The following DCDC1 variants were observed in gnomAD, a reference collection of about 807,000 sequenced individuals.
The protein encoded by DCDC1 is doublecortin domain containing 1.
A neutral mutation model predicts 178.3 loss-of-function variants in DCDC1; 200 were observed. The observed-to-expected ratio is 1.12, with a 90% confidence interval of 1.00 to 1.26. The LOEUF (loss-of-function observed/expected upper bound fraction) is 1.26, where lower values mean the gene tolerates loss of function less well. Ranked by LOEUF, DCDC1 falls within the 50% of genes most tolerant of loss-of-function variation. The pLI is 0.00. For synonymous variants in DCDC1, 690 were observed against 604.8 expected (o/e 1.14, Z -2.07); for missense variants, 1,983 against 1,749.2 (o/e 1.13, Z -2.38).
chr11:30,890,422 T>C (rs1268617539), intron 36 of DCDC1, among the ~76,000 whole-genome samples: 2 of 152,236 alleles, frequency 1.3e-5, no homozygotes, highest in African/African-American at 4.8e-5. Context: ...ATCTTCTCCA[T>C]TTCTCAAGTT....
At chr11:31,354,361 G>A (rs1161003106) in intron 1 of DCDC1, among the ~76,000 whole-genome samples, 2 of 152,184 alleles carry the variant, frequency 1.3e-5, no homozygotes, top group Non-Finnish European at 2.9e-5. Context: ...ATGGATGTGA[G>A]TACTGCAAAA....
intron 20 of DCDC1, among the ~76,000 whole-genome samples, chr11:31,053,024 G>A (rs753758006): frequency 6.6e-6 from 1 of 151,734 alleles, no homozygotes; most frequent in African/African-American, 2.4e-5. Context: ...AAAAAATTAC[G>A]AAAGATAAAT....
chr11:31,311,089 C>T (rs1276912957), intron 3 of DCDC1, among the ~76,000 whole-genome samples: 1 of 152,160 alleles, frequency 6.6e-6, no homozygotes, highest in Non-Finnish European at 1.5e-5. Flanking sequence ...CTCTATGTGT[C>T]TCCTCATTTC....
At chr11:31,260,410 A>G (rs761849226) in intron 8 of DCDC1, among the ~76,000 whole-genome samples, 19 of 152,212 alleles carry the variant, frequency 1.2e-4, no homozygotes, top group Non-Finnish European at 2.2e-4. Context: ...ATGATGAAAT[A>G]TCCTGTACTT....
At position 31,137,349 on chromosome 11, in the gene DCDC1, T is replaced by C. The variant is rs563941382; in HGVS notation, c.1314+343A>G. Among the ~76,000 whole-genome samples, 21 of 139,918 alleles carry C rather than the reference T, an allele frequency of 1.5e-4. No individual in the cohort carries two copies. The East Asian group carries it at 4.4e-3, about 29-fold the overall frequency. 91.8% of individuals were successfully genotyped at this position (139,918 alleles called of 152,430 possible). A position where few individuals can be genotyped will look rare whatever the true frequency, so the allele number is the denominator to read the frequency against. ...ATCTTCATTTTAAAATTAGTGTTCA[T>C]TGCAGGTTTTTTTTTTTTTTTTTAC... On this transcript the variant is annotated intron_variant, in intron 10 of 38. Transcript: ENST00000684477.
At position 31,354,704 on chromosome 11, in the gene DCDC1, G is replaced by A. The variant is rs924491452; in HGVS notation, c.-125+14993C>T. On this transcript the variant is annotated intron_variant, in intron 1 of 38. Transcript: ENST00000684477. ...TCCCTTCTCCAATTCAGTAGGATAG[G>A]GAAAAATGATTTAGGAAGAAAGGAA... 1.4e-4 allele frequency among the ~76,000 whole-genome samples: 21 copies of A among 152,182 alleles called. No individual in the cohort carries two copies. In the East Asian group the frequency reaches 3.9e-3, roughly 28 times the overall value.
At chr11:31,184,378 G>A (rs1195489578) in intron 9 of DCDC1, among the ~76,000 whole-genome samples, 1 of 152,094 alleles carries the variant, frequency 6.6e-6, no homozygotes, top group African/African-American at 2.4e-5. Flanking sequence ...ATAGGCATGG[G>A]CAAAGACTTC....
chr11:30,976,689 C>T (rs1950122279), intron 20 of DCDC1, among the ~76,000 whole-genome samples: 1 of 152,024 alleles, frequency 6.6e-6, no homozygotes, highest in African/African-American at 2.4e-5. Context: ...ATAACAGATG[C>T]TGGCAAGGAT....
intron 9 of DCDC1, among the ~76,000 whole-genome samples, chr11:31,200,622 AC>A (rs1336400655): frequency 6.6e-6 from 1 of 152,050 alleles, no homozygotes; most frequent in African/African-American, 2.4e-5. Context: ...GCAAATATCT[AC>A]TTTTTACATT....
chr11:30,902,318 T>A (rs1370864606), intron 32 of DCDC1, among the ~76,000 whole-genome samples: 1 of 152,122 alleles, frequency 6.6e-6, no homozygotes, highest in Non-Finnish European at 1.5e-5. Flanking sequence ...ATTCTTCCCC[T>A]CTGGAGAACG....
intron 9 of DCDC1, among the ~76,000 whole-genome samples, chr11:31,225,583 C>A (rs1357494582): frequency 6.7e-6 from 1 of 149,782 alleles, no homozygotes; most frequent in Non-Finnish European, 1.5e-5. Flanking sequence ...TATACATATG[C>A]ATACATGCTA....
At chr11:31,010,247 T>C (rs1210140194) in intron 20 of DCDC1, among the ~76,000 whole-genome samples, 1 of 152,192 alleles carries the variant, frequency 6.6e-6, no homozygotes, top group African/African-American at 2.4e-5. Flanking sequence ...TGCTGAGTGT[T>C]TCACAAGGCA....
At chr11:31,060,903 A>G (rs563198308) in intron 20 of DCDC1, among the ~76,000 whole-genome samples, 1 of 152,276 alleles carries the variant, frequency 6.6e-6, no homozygotes, top group South Asian at 2.1e-4. Context: ...TTAATTGAAA[A>G]AAAGTCAAAT....
At chr11:30,985,851 A>G (rs868633220) in intron 20 of DCDC1, among the ~76,000 whole-genome samples, 1 of 152,200 alleles carries the variant, frequency 6.6e-6, no homozygotes. Flanking sequence ...CCAAAACTAA[A>G]TTATGACAAA....
chr11:30,885,626 T>C (rs1213967893), intron 36 of DCDC1, among the ~76,000 whole-genome samples: 1 of 152,110 alleles, frequency 6.6e-6, no homozygotes, highest in African/African-American at 2.4e-5. Flanking sequence ...GAAATATGGG[T>C]ATAACATTTT....
intron 1 of DCDC1, among the ~76,000 whole-genome samples, chr11:31,355,910 C>T (rs1014519616): frequency 6.6e-6 from 1 of 152,060 alleles, no homozygotes; most frequent in Non-Finnish European, 1.5e-5. Flanking sequence ...ACCAGGGAAA[C>T]ATTCAATCAG....
intron 7 of DCDC1, 142 bp downstream of exon 7, chr11:31,290,505 T>C (rs1947145843): frequency 3.6e-6 from 3 of 839,446 alleles, no homozygotes; most frequent in Non-Finnish European, 5.4e-6. Context: ...AACAGGTTTA[T>C]ACAGAATTTT....
At chr11:31,030,622 A>C (rs1257300813) in intron 20 of DCDC1, among the ~76,000 whole-genome samples, 1 of 152,138 alleles carries the variant, frequency 6.6e-6, no homozygotes, top group Non-Finnish European at 1.5e-5. Flanking sequence ...TCAGGAATAG[A>C]GTGCATATGT....
chr11:30,989,861 C>G (rs1950874889), intron 20 of DCDC1, among the ~76,000 whole-genome samples: 1 of 152,124 alleles, frequency 6.6e-6, no homozygotes, highest in Non-Finnish European at 1.5e-5. Flanking sequence ...CTAGAAACCT[C>G]TCAGGCTACC....
Sources: gnomAD v4.1 joint callset for allele counts (sites outside exome capture counted in the v4.1 genomes callset) on GRCh38, gnomAD v4.1.1 for gene constraint, MANE v1.5 for transcripts, NCBI Gene and HGNC (gene_info 2026-07-23, HGNC 2026-07-21) for gene names.